Variants in SMARCA4 observed in about 807,000 individuals in gnomAD.
SMARCA4 encodes SWI/SNF-related matrix-associated actin-dependent regulator of chromatin subfamily A member 4.
SMARCA4 carries 31 observed loss-of-function variants against 193.9 expected under a neutral mutation model. That is an observed-to-expected ratio of 0.16 (90% CI 0.12 to 0.22). SMARCA4 has a LOEUF of 0.22. Among genes scored for constraint, SMARCA4 ranks in the 10% least tolerant of loss-of-function variants. The pLI is 1.00. For missense variants in SMARCA4, 1,148 were observed against 2,296.0 expected, an observed-to-expected ratio of 0.50 and a Z score of 10.22; for synonymous variants, 942 against 933.1, an observed-to-expected ratio of 1.01 and a Z score of -0.17.
At chr19:11,022,951 G>A (rs948671567) in intron 19 of SMARCA4, among the ~76,000 whole-genome samples, 2 of 152,326 alleles carry the variant, frequency 1.3e-5, no homozygotes, top group Admixed American at 6.5e-5. Context: ...TTTTGGCGTC[G>A]TCTCATTTTC....
At chr19:11,004,996 T>A (rs2088053857) in intron 13 of SMARCA4, among the ~76,000 whole-genome samples, 1 of 152,036 alleles carries the variant, frequency 6.6e-6, no homozygotes, top group African/African-American at 2.4e-5. Context: ...CAAACCCGGC[T>A]AATTTTTTTT....
chr19:11,047,436 TCTCA>T (rs1452179589), intron 30 of SMARCA4, among the ~76,000 whole-genome samples: 1 of 150,026 alleles, frequency 6.7e-6, no homozygotes, highest in East Asian at 2.0e-4. Context: ...GGAGATGCAG[TCTCA>T]CTCTGTCACT....
At chr19:11,037,056 C>T (rs1167432513) in intron 29 of SMARCA4, among the ~76,000 whole-genome samples, 1 of 152,224 alleles carries the variant, frequency 6.6e-6, no homozygotes, top group Non-Finnish European at 1.5e-5. Flanking sequence ...GGGTTGTATC[C>T]ACTTTCGGGC....
intron 30 of SMARCA4, chr19:11,056,497 A>T (rs2076555079): frequency 6.6e-6 from 1 of 152,276 alleles, no homozygotes; most frequent in Non-Finnish European, 1.5e-5. Context: ...CACTCCTGGA[A>T]GGCAGAGGCT....
chr19:11,028,056 G>C (rs1248982408), intron 24 of SMARCA4, 106 bp downstream of exon 24: 9 of 1,268,268 alleles, frequency 7.1e-6, no homozygotes, highest in Admixed American at 3.4e-5. Flanking sequence ...AGGCCCAGGC[G>C]CTCTGGGTCC....
chr19:10,994,066 G>A (rs1219489956), intron 8 of SMARCA4, among the ~76,000 whole-genome samples: 1 of 151,642 alleles, frequency 6.6e-6, no homozygotes, highest in Non-Finnish European at 1.5e-5. Flanking sequence ...TTGAGATGGA[G>A]TCTCACTCTG....
chr19:11,052,044 G>A (rs1475312950), intron 30 of SMARCA4, among the ~76,000 whole-genome samples: 9 of 152,192 alleles, frequency 5.9e-5, no homozygotes, highest in African/African-American at 1.9e-4. Flanking sequence ...GCAGTGAGCC[G>A]AGATTGTGCC....
chr19:11,005,931 C>T (rs1034255825), intron 13 of SMARCA4, among the ~76,000 whole-genome samples: 2 of 152,126 alleles, frequency 1.3e-5, no homozygotes, highest in South Asian at 4.1e-4. Flanking sequence ...ATTTGCCCAC[C>T]TCCTCATTTG....
At chr19:10,976,161 A>G (rs776286365) in intron 1 of SMARCA4, among the ~76,000 whole-genome samples, 5 of 152,168 alleles carry the variant, frequency 3.3e-5, no homozygotes, top group Admixed American at 6.5e-5. Flanking sequence ...GAAAATGCCA[A>G]ATCCTTCGTT....
In SMARCA4 at chr19:11,059,697, G is replaced by A. The variant is rs981922931; in HGVS notation, c.4636-56G>A. On this transcript the variant is annotated intron_variant, in intron 32 of 34. Coordinates refer to ENST00000344626, the MANE Select transcript of SMARCA4 (RefSeq NM_003072.5). ...GGGGCTGGGGCTGGGGCCAGGGCCG[G>A]GCAGGCAGCCCTCCAGTCGGGCCCA... is the stretch of plus-strand genomic sequence containing the variant. 9 of 1,543,674 alleles carry A rather than the reference G, an allele frequency of 5.8e-6. No individual in the cohort carries two copies. The African/African-American group carries it at 1.2e-4, about 21-fold the overall frequency.
At chr19:10,989,272 C>T (rs762836155) in intron 6 of SMARCA4, 45 bp from the exon 7 acceptor site, 1 of 1,612,510 alleles carries the variant, frequency 6.2e-7, no homozygotes. Flanking sequence ...AACTGGGTGC[C>T]CTGGCAACCC....
intron 1 of SMARCA4, among the ~76,000 whole-genome samples, chr19:10,962,322 G>A (rs1204536351): frequency 6.6e-6 from 1 of 151,942 alleles, no homozygotes; most frequent in Non-Finnish European, 1.5e-5. Context: ...AACTTCTTGA[G>A]GCCCTACTAA....
rs550742444 is a variant in SMARCA4 at position 11,056,800 on chromosome 19, G to A, written c.4425-1455G>A. On this transcript the variant is annotated intron_variant, in intron 30 of 34. Transcript: ENST00000344626. ...GGAGGCCTTCCGGGATCCTGCTCACGAGCAGCTTCCTGGAGGCAAGCCTGG... is the reference window on the plus strand; with the variant it reads ...GGAGGCCTTCCGGGATCCTGCTCACAAGCAGCTTCCTGGAGGCAAGCCTGG... Among the ~76,000 whole-genome samples the A allele has an allele frequency of 7.9e-5, 12 of 152,294 alleles. No homozygotes were observed. The South Asian group carries it at 1.2e-3, about 16-fold the overall frequency.
At chr19:11,007,855 C>A in intron 13 of SMARCA4, 47 bp from the exon 14 acceptor site, 1 of 1,610,516 alleles carries the variant, frequency 6.2e-7, no homozygotes, top group Non-Finnish European at 8.5e-7. Context: ...TCCCGTCCCC[C>A]CTCTCTGGGG....
chr19:11,059,671 TGGGGCTGGGGCTGGGGCCAGGGCC>T lies in SMARCA4; in HGVS notation c.4636-78_4636-55del. ...CAGCTGTCCAGGGGCAACACAGGGC[TGGGGCTGGGGCTGGGGCCAGGGCC>T]GGGCAGGCAGCCCTCCAGTCGGGCC... On this transcript the variant is annotated intron_variant, in intron 32 of 34. Coordinates refer to ENST00000344626, the MANE Select transcript of SMARCA4 (RefSeq NM_003072.5). The T allele has an allele frequency of 2.1e-6, 3 of 1,463,332 alleles. No homozygotes were observed. In the East Asian group the frequency reaches 7.4e-5, roughly 36 times the overall value. 90.6% of individuals were successfully genotyped at this position (1,463,332 alleles called of 1,614,324 possible).
At position 11,034,291 on chromosome 19, in the gene SMARCA4, C is replaced by T; in HGVS notation, c.3951+91C>T. ...GACGTCCTAGTGCCCATGGTGGTAT[C>T]CCTAGCAGGTCAGGGAGCCAGGGAC... On this transcript the variant is annotated intron_variant, in intron 28 of 34. Coordinates refer to ENST00000344626, the MANE Select transcript of SMARCA4 (RefSeq NM_003072.5). This position sits in a 1 kb window ranked among gnomAD's most constrained non-coding sequence, Gnocchi z 7.0. The T allele has an allele frequency of 9.7e-7, 1 of 1,027,882 alleles. No homozygotes were observed. The highest frequency in any genetic ancestry group is 1.5e-6 in the Non-Finnish European group (1 of 655,208). 63.7% of individuals were successfully genotyped at this position (1,027,882 alleles called of 1,614,324 possible).
intron 19 of SMARCA4, among the ~76,000 whole-genome samples, chr19:11,022,615 G>A (rs2089958238): frequency 6.6e-6 from 1 of 152,188 alleles, no homozygotes. Context: ...TGAAGTGTGG[G>A]CAGAACTACA....
rs757550479 is a variant in SMARCA4 at position 10,987,932 on chromosome 19, C to T, written c.1118+8C>T. 1.6e-5 allele frequency: 25 copies of T among 1,611,808 alleles called. No individual in the cohort carries two copies. The Middle Eastern group carries it at 9.7e-4, about 62-fold the overall frequency. Reference sequence around the variant, plus strand: ...GCAGGAGCGCGAGTACAGGTGAGGGCGGGGCCCAGTTGCCAAGGTCACTGC... The same window carrying T: ...GCAGGAGCGCGAGTACAGGTGAGGGTGGGGCCCAGTTGCCAAGGTCACTGC... On this transcript the variant is annotated splice_region_variant and intron_variant, in intron 6 of 34. Coordinates refer to ENST00000344626, the MANE Select transcript of SMARCA4 (RefSeq NM_003072.5). The surrounding 1 kb of genome is among the most constrained non-coding windows in gnomAD (Gnocchi z 5.3).
At chr19:10,980,186 G>T (rs1216695611) in intron 1 of SMARCA4, among the ~76,000 whole-genome samples, 2 of 152,108 alleles carry the variant, frequency 1.3e-5, no homozygotes. Context: ...TTTCAATCCG[G>T]AAATGAATTT....
Sources: gnomAD v4.1 joint callset for allele counts (sites outside exome capture counted in the v4.1 genomes callset) on GRCh38, gnomAD v4.1.1 for gene constraint, Gnocchi (gnomAD v3.1) non-coding constraint, MANE v1.5 for transcripts, NCBI Gene and HGNC (gene_info 2026-07-23, HGNC 2026-07-21) for gene names.